MALRD1: variants seen among roughly 807,000 people sequenced by gnomAD.
The protein encoded by MALRD1 is MAM and LDL-receptor class A domain-containing protein 1.
A neutral mutation model predicts 242.1 loss-of-function variants in MALRD1; 247 were observed. That is an observed-to-expected ratio of 1.02 (90% CI 0.92 to 1.13). The LOEUF (loss-of-function observed/expected upper bound fraction) is 1.13. Ranked by LOEUF, MALRD1 falls within the 50% of genes most tolerant of loss-of-function variation. The pLI, the probability that MALRD1 is intolerant of heterozygous loss-of-function variation, is 0.00. For missense variants in MALRD1, 2,989 were observed against 2,533.1 expected, an observed-to-expected ratio of 1.18 and a Z score of -3.86; for synonymous variants, 995 against 866.6, an observed-to-expected ratio of 1.15 and a Z score of -2.60.
intron 18 of MALRD1, among the ~76,000 whole-genome samples, chr10:19,216,115 C>CTTTTTTTTTT (rs1203339393): frequency 8.7e-6 from 1 of 114,314 alleles, no homozygotes; most frequent in East Asian, 2.3e-4. Flanking sequence ...TTCTTTCTTT[C>CTTTTTTTTTT]TTTCTTTTTT....
intron 33 of MALRD1, among the ~76,000 whole-genome samples, chr10:19,575,384 A>G (rs148153494): frequency 6.6e-6 from 1 of 152,198 alleles, no homozygotes; most frequent in Non-Finnish European, 1.5e-5. Context: ...AGCACAGTAC[A>G]AGCAGTCTGC....
chr10:19,707,596 G>A (rs1833926014), intron 38 of MALRD1, among the ~76,000 whole-genome samples: 1 of 152,164 alleles, frequency 6.6e-6, no homozygotes, highest in African/African-American at 2.4e-5. Flanking sequence ...CTGAGCAGCA[G>A]TGATTGCTTA....
At chr10:19,331,685 C>A (rs1182094427) in intron 24 of MALRD1, 103 bp downstream of exon 24, 2 of 871,960 alleles carry the variant, frequency 2.3e-6, no homozygotes, top group Non-Finnish European at 3.6e-6. Context: ...TGTATCTCAA[C>A]ACCAGGGGAA....
chr10:19,410,679 C>CTTTT (rs58147034), intron 28 of MALRD1, among the ~76,000 whole-genome samples: 3 of 132,908 alleles, frequency 2.3e-5, no homozygotes, highest in Non-Finnish European at 3.1e-5. Context: ...TCCTTCCTTC[C>CTTTT]TTTTTTTTTT....
intron 33 of MALRD1, among the ~76,000 whole-genome samples, chr10:19,591,255 C>T (rs1215460153): frequency 6.6e-6 from 1 of 152,144 alleles, no homozygotes; most frequent in Non-Finnish European, 1.5e-5. Context: ...GAATGTTGTT[C>T]TTATTTTACA....
chr10:19,363,246 G>T (rs1844971890), intron 26 of MALRD1, among the ~76,000 whole-genome samples: 1 of 152,070 alleles, frequency 6.6e-6, no homozygotes, highest in African/African-American at 2.4e-5. Context: ...TAAAGGATAA[G>T]AGAAGATCCA....
intron 33 of MALRD1, among the ~76,000 whole-genome samples, chr10:19,570,455 CAA>C (rs1836473192): frequency 6.6e-6 from 1 of 151,934 alleles, no homozygotes; most frequent in South Asian, 2.1e-4. Context: ...AGGGGAATGT[CAA>C]AGAGAAAACA....
chr10:19,114,330 G>A (rs956785090), intron 5 of MALRD1, among the ~76,000 whole-genome samples: 2 of 152,136 alleles, frequency 1.3e-5, no homozygotes, highest in African/African-American at 4.8e-5. Flanking sequence ...AAGAAAATGA[G>A]TGGACTTAAG....
intron 1 of MALRD1, among the ~76,000 whole-genome samples, chr10:19,063,083 C>T (rs1441052985): frequency 9.9e-5 from 15 of 151,768 alleles, no homozygotes. Context: ...GAGGTCAAGA[C>T]CACAATGAGC....
intron 21 of MALRD1, among the ~76,000 whole-genome samples, chr10:19,289,158 A>G (rs1841286672): frequency 6.6e-6 from 1 of 152,194 alleles, no homozygotes; most frequent in African/African-American, 2.4e-5. Flanking sequence ...TATATCAATA[A>G]ACTACATCTT....
chr10:19,606,648 T>A (rs1170643439), intron 34 of MALRD1, among the ~76,000 whole-genome samples: 2 of 152,020 alleles, frequency 1.3e-5, no homozygotes, highest in Admixed American at 1.3e-4. Flanking sequence ...GACAGTAGAG[T>A]TATCCCATTA....
At chr10:19,213,104 A>T (rs1837146172) in intron 18 of MALRD1, among the ~76,000 whole-genome samples, 1 of 152,048 alleles carries the variant, frequency 6.6e-6, no homozygotes, top group Non-Finnish European at 1.5e-5. Context: ...AGTTCTTCTT[A>T]TCAATATATT....
chr10:19,171,818 TTA>T (rs997167625), intron 13 of MALRD1, among the ~76,000 whole-genome samples: 9 of 144,528 alleles, frequency 6.2e-5, no homozygotes, highest in Non-Finnish European at 9.1e-5. Context: ...ATCAGTTTGG[TTA>T]TATATATACA....
At chr10:19,633,127 G>A (rs1839980279) in intron 36 of MALRD1, among the ~76,000 whole-genome samples, 1 of 152,124 alleles carries the variant, frequency 6.6e-6, no homozygotes, top group African/African-American at 2.4e-5. Flanking sequence ...AGCTATTCTG[G>A]AGGTTGAGGC....
At chr10:19,554,334 CAA>C (rs1835619387) in intron 32 of MALRD1, among the ~76,000 whole-genome samples, 2 of 152,028 alleles carry the variant, frequency 1.3e-5, no homozygotes, top group Non-Finnish European at 2.9e-5. Context: ...AGAGCAGGAG[CAA>C]GAGGTGGAGG....
chr10:19,316,079 C>T (rs576747780), intron 21 of MALRD1, among the ~76,000 whole-genome samples: 2 of 149,762 alleles, frequency 1.3e-5, no homozygotes, highest in Non-Finnish European at 3.0e-5. Flanking sequence ...AGTAAATTTA[C>T]GTAATTTACT....
chr10:19,149,805 T>C (rs917347709), intron 11 of MALRD1, among the ~76,000 whole-genome samples: 3 of 152,300 alleles, frequency 2.0e-5, no homozygotes, highest in African/African-American at 7.2e-5. Context: ...ATTCTATTCC[T>C]GCCCAACACA....
At chr10:19,207,593 C>T (rs777054327) in intron 17 of MALRD1, among the ~76,000 whole-genome samples, 8 of 152,076 alleles carry the variant, frequency 5.3e-5, no homozygotes, top group African/African-American at 1.7e-4. Context: ...CTCTGCCTCC[C>T]GGGTTCAAGC....
chr10:19,448,452 C>T (rs1311018409), intron 28 of MALRD1, among the ~76,000 whole-genome samples: 1 of 151,980 alleles, frequency 6.6e-6, no homozygotes, highest in African/African-American at 2.4e-5. Context: ...TTTTTCTTTG[C>T]CAAATATCCA....
Sources: allele counts gnomAD v4.1 joint callset (sites outside exome capture counted in the v4.1 genomes callset), GRCh38; gene constraint gnomAD v4.1.1; transcripts MANE v1.5; gene names NCBI Gene and HGNC (gene_info 2026-07-23, HGNC 2026-07-21).